The following LSAMP variants were observed in gnomAD, a reference collection of about 807,000 sequenced individuals.
The protein encoded by LSAMP is limbic system-associated membrane protein.
In LSAMP, 7 loss-of-function variants were observed where a neutral mutation model predicts 38.6. The ratio of observed to expected loss-of-function variants is 0.18; its 90% CI spans 0.10 to 0.34. The LOEUF is 0.34. Ranked by LOEUF, LSAMP falls within the 10% of genes least tolerant of loss-of-function variation. The pLI, the probability that LSAMP is intolerant of heterozygous loss-of-function variation, is 1.00. For missense variants in LSAMP, 313 were observed against 420.0 expected (o/e 0.75, Z 2.23); for synonymous variants, 154 against 166.8 (o/e 0.92, Z 0.59).
At chr3:116,407,431 T>C (rs1470665434) in intron 1 of LSAMP, among the ~76,000 whole-genome samples, 3 of 152,156 alleles carry the variant, frequency 2.0e-5, no homozygotes, top group East Asian at 1.9e-4. Flanking sequence ...AGATTCTCAA[T>C]AGTAGTAAGG....
At chr3:115,827,608 C>A (rs1484227889) in intron 6 of LSAMP, among the ~76,000 whole-genome samples, 5 of 152,084 alleles carry the variant, frequency 3.3e-5, no homozygotes, top group African/African-American at 4.8e-5. Flanking sequence ...ACAATCAGCA[C>A]AGTGATAAGC....
intron 1 of LSAMP, among the ~76,000 whole-genome samples, chr3:116,323,095 T>C (rs369923355): frequency 2.0e-5 from 3 of 152,244 alleles, no homozygotes; most frequent in African/African-American, 4.8e-5. Context: ...TATAAGGATA[T>C]ACTTTCTAAT....
Position 116,244,621 on chromosome 3 carries a change from T to A in LSAMP, c.156-158065A>T, listed in dbSNP as rs866743414. On this transcript the variant is annotated intron_variant, in intron 1 of 6. Coordinates refer to ENST00000490035, the MANE Select transcript of LSAMP (RefSeq NM_002338.5). ...GCTGCCCAGGGACTCTCACACAGCATCTTGTATTAATAATCCACAGAGCAC... is the reference window on the plus strand; with the variant it reads ...GCTGCCCAGGGACTCTCACACAGCAACTTGTATTAATAATCCACAGAGCAC... Among the ~76,000 whole-genome samples, 3 of 152,224 alleles carry A rather than the reference T, an allele frequency of 2.0e-5. No homozygotes were observed. In the South Asian group the frequency reaches 6.2e-4, roughly 31 times the overall value.
intron 1 of LSAMP, among the ~76,000 whole-genome samples, chr3:116,430,880 G>T (rs1392718379): frequency 2.0e-5 from 3 of 151,858 alleles, no homozygotes; most frequent in Non-Finnish European, 2.9e-5. Flanking sequence ...ATTAAATTAT[G>T]TCCTATTTAA....
At chr3:116,283,918 A>G (rs1490987727) in intron 1 of LSAMP, among the ~76,000 whole-genome samples, 1 of 152,124 alleles carries the variant, frequency 6.6e-6, no homozygotes, top group Non-Finnish European at 1.5e-5. Context: ...AGGTAGAAGA[A>G]TTGCTTGAAC....
At chr3:116,048,042 T>C (rs996394398) in intron 2 of LSAMP, among the ~76,000 whole-genome samples, 5 of 152,190 alleles carry the variant, frequency 3.3e-5, no homozygotes, top group African/African-American at 7.2e-5. Flanking sequence ...TTAGTCAACT[T>C]TGAATTTCCA....
At chr3:116,438,787 A>T (rs2049389868) in intron 1 of LSAMP, among the ~76,000 whole-genome samples, 1 of 152,148 alleles carries the variant, frequency 6.6e-6, no homozygotes, top group Non-Finnish European at 1.5e-5. Context: ...ATTTCCATAG[A>T]CGTTATGTAA....
chr3:115,908,086 G>GGTAT (rs1559876191), intron 3 of LSAMP, among the ~76,000 whole-genome samples: 2 of 150,832 alleles, frequency 1.3e-5, no homozygotes, highest in African/African-American at 4.9e-5. Context: ...AGATAAGAAA[G>GGTAT]ATATATATAT....
chr3:116,071,894 C>A (rs1243245795), intron 2 of LSAMP, among the ~76,000 whole-genome samples: 1 of 151,794 alleles, frequency 6.6e-6, no homozygotes, highest in Non-Finnish European at 1.5e-5. Context: ...ATAACAGCTT[C>A]CAGGTCCATT....
intron 3 of LSAMP, among the ~76,000 whole-genome samples, chr3:116,017,322 G>A (rs779172243): frequency 6.6e-6 from 1 of 152,090 alleles, no homozygotes; most frequent in African/African-American, 2.4e-5. Context: ...TATTAATGCA[G>A]TTCATTATTT....
At chr3:116,030,956 C>A (rs1045486242) in intron 2 of LSAMP, among the ~76,000 whole-genome samples, 1 of 152,006 alleles carries the variant, frequency 6.6e-6, no homozygotes, top group Non-Finnish European at 1.5e-5. Context: ...CAAAACATGT[C>A]ATGGGCAACC....
At chr3:116,158,659 TACA>T (rs1709813635) in intron 1 of LSAMP, among the ~76,000 whole-genome samples, 1 of 152,068 alleles carries the variant, frequency 6.6e-6, no homozygotes, top group South Asian at 2.1e-4. Context: ...GAAAGACCTC[TACA>T]ACAACAATTA....
chr3:115,834,027 C>T (rs1934703687), intron 6 of LSAMP, among the ~76,000 whole-genome samples: 3 of 151,190 alleles, frequency 2.0e-5, no homozygotes, highest in Admixed American at 2.0e-4. Context: ...AAGACAGGTA[C>T]ATTTAAAAGG....
chr3:115,821,446 A>G (rs949450430), intron 6 of LSAMP, among the ~76,000 whole-genome samples: 1 of 152,180 alleles, frequency 6.6e-6, no homozygotes, highest in Non-Finnish European at 1.5e-5. Context: ...GGTAACGTAG[A>G]GTTTGGGGAG....
chr3:116,295,025 T>A (rs576160236), intron 1 of LSAMP, among the ~76,000 whole-genome samples: 3 of 152,324 alleles, frequency 2.0e-5, no homozygotes, highest in African/African-American at 7.2e-5. Flanking sequence ...ACTGACTTTA[T>A]CTTTTGGCTT....
At chr3:116,375,856 T>C (rs541241353) in intron 1 of LSAMP, among the ~76,000 whole-genome samples, 2 of 152,010 alleles carry the variant, frequency 1.3e-5, no homozygotes, top group African/African-American at 2.4e-5. Flanking sequence ...TTTCCATGCA[T>C]TGAAGTTTCA....
Position 116,121,333 on chromosome 3 carries a change from T to C in LSAMP, c.156-34777A>G, listed in dbSNP as rs74990555. 2.6e-5 allele frequency among the ~76,000 whole-genome samples: 4 copies of C among 152,316 alleles called. No individual in the cohort carries two copies. In the East Asian group the frequency reaches 7.7e-4, roughly 29 times the overall value. On this transcript the variant is annotated intron_variant, in intron 1 of 6. Coordinates refer to ENST00000490035, the MANE Select transcript of LSAMP (RefSeq NM_002338.5). The stretch of plus-strand genomic sequence containing the variant: ...CTTCCCAGAAAATACAACCATGAAC[T>C]TCACAGGGCCTGAAAATGTGTTTAT...
intron 1 of LSAMP, among the ~76,000 whole-genome samples, chr3:116,144,985 T>C (rs1210551279): frequency 2.0e-5 from 3 of 152,096 alleles, no homozygotes; most frequent in South Asian, 2.1e-4. Flanking sequence ...TGGTCTATAT[T>C]GTTGCTGATG....
At chr3:116,004,688 C>G (rs1192867057) in intron 3 of LSAMP, among the ~76,000 whole-genome samples, 1 of 151,766 alleles carries the variant, frequency 6.6e-6, no homozygotes. Context: ...CATTTTTATA[C>G]TATTTCTTGC....
Sources: allele counts gnomAD v4.1 joint callset (sites outside exome capture counted in the v4.1 genomes callset), GRCh38; gene constraint gnomAD v4.1.1; transcripts MANE v1.5; gene names NCBI Gene and HGNC (gene_info 2026-07-23, HGNC 2026-07-21).